The following DCC variants were observed in gnomAD, a reference collection of about 807,000 sequenced individuals.
DCC encodes DCC netrin 1 receptor.
DCC carries 58 observed loss-of-function variants against 172.5 expected under a neutral mutation model. The ratio of observed to expected loss-of-function variants is 0.34; its 90% confidence interval spans 0.27 to 0.42. DCC has a LOEUF of 0.42. Among genes scored for constraint, DCC ranks in the 10% least tolerant of loss-of-function variants. The probability of loss-of-function intolerance (pLI) is 1.00; values close to 1 mark genes in which losing one functional copy is unlikely to be tolerated. For synonymous variants in DCC, 709 were observed against 644.5 expected (o/e 1.10, Z -1.52); for missense variants, 1,740 against 1,791.0 (o/e 0.97, Z 0.51).
chr18:53,403,221 T>G, intron 19 of DCC, among the ~76,000 whole-genome samples: 1 of 152,184 alleles, frequency 6.6e-6, no homozygotes, highest in Admixed American at 6.5e-5. Context: ...TGGAGTGCCC[T>G]GAGTATAAAT....
intron 5 of DCC, among the ~76,000 whole-genome samples, chr18:52,932,739 T>A (rs1264913090): frequency 1.3e-5 from 2 of 152,136 alleles, no homozygotes; most frequent in East Asian, 3.9e-4. Flanking sequence ...CTCAGAATAT[T>A]TATATATAGA....
At chr18:53,034,128 A>G (rs2042061631) in intron 5 of DCC, among the ~76,000 whole-genome samples, 1 of 151,930 alleles carries the variant, frequency 6.6e-6, no homozygotes. Context: ...TTAGCTTTAA[A>G]TACTGTCTCT....
chr18:52,593,167 A>G (rs1275865574), intron 1 of DCC, among the ~76,000 whole-genome samples: 7 of 152,176 alleles, frequency 4.6e-5, no homozygotes. Context: ...TGTGTTATCC[A>G]AAACATTTTT....
At chr18:53,052,082 T>C (rs2042341754) in intron 5 of DCC, among the ~76,000 whole-genome samples, 2 of 152,082 alleles carry the variant, frequency 1.3e-5, no homozygotes, top group South Asian at 4.1e-4. Flanking sequence ...TCGAGTCTGA[T>C]ACATGTTGGT....
At chr18:53,177,544 G>C (rs10502961) in intron 8 of DCC, among the ~76,000 whole-genome samples, 11,997 of 152,156 alleles carry the variant, frequency 0.079, 566 homozygotes, top group African/African-American at 0.11. Flanking sequence ...CTGATTGTCA[G>C]TTCTTTTCCC....
At chr18:53,153,013 T>C (rs922665513) in intron 7 of DCC, among the ~76,000 whole-genome samples, 23 of 152,204 alleles carry the variant, frequency 1.5e-4, no homozygotes, top group African/African-American at 4.3e-4. Context: ...ATCTGCCTGC[T>C]TGCCATTGCC....
At chr18:52,862,847 C>T (rs950566571) in intron 2 of DCC, among the ~76,000 whole-genome samples, 4 of 151,300 alleles carry the variant, frequency 2.6e-5, no homozygotes, top group Non-Finnish European at 4.4e-5. Context: ...TGAGTTCTTC[C>T]CTCTCTTTTA....
chr18:52,344,165 C>A (rs1366300170), intron 1 of DCC, among the ~76,000 whole-genome samples: 2 of 152,168 alleles, frequency 1.3e-5, no homozygotes, highest in Non-Finnish European at 2.9e-5. Flanking sequence ...TATTCTCTGG[C>A]AAGTTAACCT....
chr18:53,273,940 G>A (rs1190000700), intron 12 of DCC, among the ~76,000 whole-genome samples: 1 of 151,876 alleles, frequency 6.6e-6, no homozygotes, highest in Non-Finnish European at 1.5e-5. Flanking sequence ...TGTGTAGGGA[G>A]AGAAATCAAT....
chr18:52,890,984 C>G (rs763969584), intron 2 of DCC, among the ~76,000 whole-genome samples: 1 of 152,154 alleles, frequency 6.6e-6, no homozygotes, highest in African/African-American at 2.4e-5. Flanking sequence ...TTTAGACAAC[C>G]TTTGGGAACC....
chr18:53,053,032 A>C (rs1208350745), intron 5 of DCC, among the ~76,000 whole-genome samples: 1 of 152,036 alleles, frequency 6.6e-6, no homozygotes, highest in Non-Finnish European at 1.5e-5. Context: ...AATCCCAGCT[A>C]CTCGGAAGGC....
At chr18:53,500,197 T>C (rs554788748) in intron 27 of DCC, among the ~76,000 whole-genome samples, 1 of 152,164 alleles carries the variant, frequency 6.6e-6, no homozygotes, top group East Asian at 1.9e-4. Flanking sequence ...CATTTTGTTT[T>C]TGTTAGGGGT....
chr18:53,350,336 G>A (rs1241251611), intron 15 of DCC, among the ~76,000 whole-genome samples: 1 of 152,036 alleles, frequency 6.6e-6, no homozygotes, highest in Non-Finnish European at 1.5e-5. Context: ...AACTTTTAGG[G>A]TTTTACATCT....
chr18:53,469,267 C>T (rs1417375118), intron 25 of DCC, among the ~76,000 whole-genome samples: 1 of 152,126 alleles, frequency 6.6e-6, no homozygotes, highest in Non-Finnish European at 1.5e-5. Context: ...AAGCAGCTCC[C>T]CAATTCTTAC....
intron 5 of DCC, among the ~76,000 whole-genome samples, chr18:52,969,005 A>C (rs890468602): frequency 6.6e-6 from 1 of 152,034 alleles, no homozygotes; most frequent in Non-Finnish European, 1.5e-5. Context: ...TTGCATTAAA[A>C]AACAACAACA....
chr18:52,471,943 C>T (rs1382264930), intron 1 of DCC, among the ~76,000 whole-genome samples: 1 of 152,144 alleles, frequency 6.6e-6, no homozygotes, highest in Admixed American at 6.5e-5. Flanking sequence ...AGTCAGTTTT[C>T]GCTGCTGAAG....
At chr18:53,166,493 C>G (rs1162072940) in intron 8 of DCC, among the ~76,000 whole-genome samples, 4 of 152,110 alleles carry the variant, frequency 2.6e-5, no homozygotes, top group Non-Finnish European at 4.4e-5. Flanking sequence ...ATCCAGAACT[C>G]AGTCACATTT....
rs79519467 is a variant in DCC, at chr18:52,626,737, C to T, written c.92-125317C>T. Reference sequence around the variant, plus strand: ...AATTCCAAAAAACAAATCTGAATTTCTCACATGCTGCGTACTATGTTGAGT... The same window carrying T: ...AATTCCAAAAAACAAATCTGAATTTTTCACATGCTGCGTACTATGTTGAGT... On this transcript the variant is annotated intron_variant, in intron 1 of 28. Coordinates refer to ENST00000442544, the MANE Select transcript of DCC (RefSeq NM_005215.4). 4.8e-3 allele frequency among the ~76,000 whole-genome samples: 731 copies of T among 152,294 alleles called. 8 individuals carry two copies. The highest frequency in any genetic ancestry group is 0.017 in the African/African-American group (692 of 41,578).
At chr18:53,320,331 C>T (rs550589568) in intron 13 of DCC, among the ~76,000 whole-genome samples, 3 of 152,214 alleles carry the variant, frequency 2.0e-5, no homozygotes, top group East Asian at 3.9e-4. Flanking sequence ...CTCGGCCTCC[C>T]AAAGTGCTGG....
Sources: allele counts gnomAD v4.1 joint callset (sites outside exome capture counted in the v4.1 genomes callset), GRCh38; gene constraint gnomAD v4.1.1; transcripts MANE v1.5; gene names NCBI Gene and HGNC (gene_info 2026-07-23, HGNC 2026-07-21).